The following NUDCD3 variants were observed in gnomAD, a reference collection of about 807,000 sequenced individuals.
The protein encoded by NUDCD3 is NudC domain containing 3, also known as nudC domain-containing protein 3.
Under a neutral mutation model 39.7 loss-of-function variants are expected in NUDCD3, and 13 were observed. The ratio of observed to expected loss-of-function variants is 0.33; its 90% CI spans 0.21 to 0.52. The LOEUF (loss-of-function observed/expected upper bound fraction) is 0.52. Ranked by LOEUF, NUDCD3 falls within the 20% of genes least tolerant of loss-of-function variation. The pLI is 0.96. For missense variants in NUDCD3, 453 were observed against 458.1 expected (o/e 0.99, Z 0.10); for synonymous variants, 175 against 172.4 (o/e 1.02, Z -0.12).
Position 44,404,595 on chromosome 7 carries a change from G to C in NUDCD3, c.643-12C>G. 6.2e-7 allele frequency: 1 copy of C among 1,612,538 alleles called. No homozygotes were observed. The highest frequency in any genetic ancestry group is 8.5e-7 in the Non-Finnish European group (1 of 1,179,646). ...AGGGCCACTGAGACCTGGGGACACA[G>C]CAGAAGAAAATCATCTCTCCTATCA... is the stretch of plus-strand genomic sequence containing the variant. On this transcript the variant is annotated splice_polypyrimidine_tract_variant and intron_variant, in intron 3 of 5. Coordinates refer to ENST00000355451, the MANE Select transcript of NUDCD3 (RefSeq NM_015332.4).
intron 3 of NUDCD3, among the ~76,000 whole-genome samples, chr7:44,420,063 G>A (rs1444796123): frequency 6.6e-6 from 1 of 152,068 alleles, no homozygotes; most frequent in African/African-American, 2.4e-5. Flanking sequence ...AGCTAAAGGA[G>A]TATGTTCTAA....
At chr7:44,450,481 A>C (rs1799773737) in intron 2 of NUDCD3, among the ~76,000 whole-genome samples, 1 of 151,900 alleles carries the variant, frequency 6.6e-6, no homozygotes, top group South Asian at 2.1e-4. Context: ...CCCGGCCAAG[A>C]AATGTCTAAA....
chr7:44,479,599 A>G (rs1800446957), intron 2 of NUDCD3, among the ~76,000 whole-genome samples: 1 of 152,238 alleles, frequency 6.6e-6, no homozygotes, highest in Admixed American at 6.5e-5. Flanking sequence ...ACTTTACTGT[A>G]GTATACAAAA....
At chr7:44,455,993 T>C in intron 2 of NUDCD3, among the ~76,000 whole-genome samples, 1 of 97,976 alleles carries the variant, frequency 1.0e-5, no homozygotes, top group African/African-American at 3.9e-5. Flanking sequence ...GCCACTGCAC[T>C]CCAGCCTGGG....
chr7:44,397,749 T>C (rs1002977359), intron 4 of NUDCD3, among the ~76,000 whole-genome samples: 4 of 152,206 alleles, frequency 2.6e-5, no homozygotes, highest in Non-Finnish European at 4.4e-5. Flanking sequence ...TATAATAACA[T>C]AGTATTTTCT....
intron 5 of NUDCD3, among the ~76,000 whole-genome samples, chr7:44,391,036 C>T (rs1798505494): frequency 6.6e-6 from 1 of 152,170 alleles, no homozygotes; most frequent in African/African-American, 2.4e-5. Context: ...CCAGGGTGGA[C>T]AGGGCTGTGA....
intron 3 of NUDCD3, among the ~76,000 whole-genome samples, chr7:44,420,216 C>T (rs6974670): frequency 0.14 from 20,509 of 151,682 alleles, 1,712 homozygotes; most frequent in Non-Finnish European, 0.19. Context: ...CAAGTATCAA[C>T]AGCCAAATCA....
chr7:44,484,098 G>A (rs1275490106), intron 2 of NUDCD3, among the ~76,000 whole-genome samples: 1 of 152,188 alleles, frequency 6.6e-6, no homozygotes, highest in East Asian at 1.9e-4. Flanking sequence ...GAGAACTCAA[G>A]GTGGCAGGGA....
intron 2 of NUDCD3, among the ~76,000 whole-genome samples, chr7:44,445,458 G>A (rs959349410): frequency 2.0e-5 from 3 of 152,138 alleles, no homozygotes; most frequent in Non-Finnish European, 4.4e-5. Flanking sequence ...TCCCTTTAAT[G>A]GTATCATTTC....
intron 3 of NUDCD3, among the ~76,000 whole-genome samples, chr7:44,414,185 A>G (rs1471897309): frequency 6.6e-6 from 1 of 152,246 alleles, no homozygotes; most frequent in Non-Finnish European, 1.5e-5. Context: ...AACAGGAAAG[A>G]TTGGAAACAA....
chr7:44,426,270 T>C (rs1268850987), intron 3 of NUDCD3: 2 of 518,810 alleles, frequency 3.9e-6, no homozygotes, highest in African/African-American at 2.1e-5. Flanking sequence ...TGAGGAGGCA[T>C]AAAAGAAACC....
At chr7:44,430,318 A>T (rs1355375462) in intron 2 of NUDCD3, among the ~76,000 whole-genome samples, 1 of 151,898 alleles carries the variant, frequency 6.6e-6, no homozygotes, top group Non-Finnish European at 1.5e-5. Flanking sequence ...AGAGAGGGGG[A>T]CTCACCCAGA....
intron 3 of NUDCD3, among the ~76,000 whole-genome samples, chr7:44,414,475 A>G (rs1798984305): frequency 6.6e-6 from 1 of 152,218 alleles, no homozygotes; most frequent in Non-Finnish European, 1.5e-5. Context: ...CATCTGTGCT[A>G]AAGGTGGGGA....
At position 44,424,224 on chromosome 7, in the gene NUDCD3, C is replaced by T. The variant is rs141736825; in HGVS notation, c.642+3347G>A. 8.0e-3 allele frequency among the ~76,000 whole-genome samples: 1,225 copies of T among 152,176 alleles called. 9 individuals carry two copies. The highest frequency in any genetic ancestry group is 0.027 in the African/African-American group (1,139 of 41,528). The stretch of plus-strand genomic sequence containing the variant: ...AAACCTAGGCAATAGCATTCAGGAA[C>T]AGGCATGGGCAAAGACTTCATGACT... On this transcript the variant is annotated intron_variant, in intron 3 of 5. Coordinates refer to ENST00000355451, the MANE Select transcript of NUDCD3 (RefSeq NM_015332.4).
chr7:44,448,032 G>A (rs1799718723), intron 2 of NUDCD3, among the ~76,000 whole-genome samples: 1 of 152,160 alleles, frequency 6.6e-6, no homozygotes, highest in Non-Finnish European at 1.5e-5. Flanking sequence ...TAATGCACCT[G>A]TCAGGCCGCC....
At chr7:44,405,702 T>A (rs1375891432) in intron 3 of NUDCD3, among the ~76,000 whole-genome samples, 1 of 152,172 alleles carries the variant, frequency 6.6e-6, no homozygotes, top group Non-Finnish European at 1.5e-5. Flanking sequence ...GTATTTCCAA[T>A]GAAATACAAT....
intron 2 of NUDCD3, chr7:44,468,087 A>T (rs531421559): frequency 3.1e-6 from 5 of 1,611,800 alleles, no homozygotes; most frequent in Non-Finnish European, 4.2e-6. Context: ...GGGAGCAACA[A>T]AAAAACAAAG....
At chr7:44,400,768 C>T (rs1260440793) in intron 4 of NUDCD3, among the ~76,000 whole-genome samples, 1 of 152,180 alleles carries the variant, frequency 6.6e-6, no homozygotes, top group African/African-American at 2.4e-5. Flanking sequence ...CATCTCTGCC[C>T]TATCTTCTCA....
chr7:44,484,641 A>T (rs1585111272), intron 2 of NUDCD3: 1 of 232,798 alleles, frequency 4.3e-6, no homozygotes, highest in East Asian at 9.5e-5. Context: ...AGAGAAAAAC[A>T]CAAACAATCG....
Sources: allele counts gnomAD v4.1 joint callset (sites outside exome capture counted in the v4.1 genomes callset), GRCh38; gene constraint gnomAD v4.1.1; transcripts MANE v1.5; gene names NCBI Gene and HGNC (gene_info 2026-07-23, HGNC 2026-07-21).